ADARB1: variants seen among roughly 807,000 people sequenced by gnomAD.
ADARB1 encodes double-stranded RNA-specific editase 1.
Under a neutral mutation model 52.4 loss-of-function variants are expected in ADARB1, and 10 were observed. The observed-to-expected ratio is 0.19, with a 90% CI of 0.12 to 0.32. The LOEUF (loss-of-function observed/expected upper bound fraction) is 0.32. Ranked by LOEUF, ADARB1 falls within the 10% of genes least tolerant of loss-of-function variation. ADARB1 has a pLI of 1.00. For missense variants in ADARB1, 643 were observed against 922.3 expected (o/e 0.70, Z 3.92); for synonymous variants, 349 against 371.1 (o/e 0.94, Z 0.68).
chr21:45,176,311 G>A lies in ADARB1; in HGVS notation c.610G>A (p.Gly204Arg), dbSNP rs1335649750. 5 of 1,613,922 alleles carry A rather than the reference G, an allele frequency of 3.1e-6. No homozygotes were observed. Among genetic ancestry groups the A allele is most frequent in the African/African-American group, 1.3e-5 (1 of 74,910 alleles). Residue 204 changes from glycine (G) to arginine (R), a missense_variant, in exon 4 of 11, where the codon GGG becomes AGG. This residue lies in a region of ADARB1 where 380 missense variants were observed against 446.5 expected (regional missense o/e 0.85). Coordinates refer to ENST00000348831, the MANE Select transcript of ADARB1 (RefSeq NM_001112.4). This position sits in a 1 kb window ranked among gnomAD's most constrained non-coding sequence, Gnocchi z 5.8. Reference sequence around the variant, plus strand: ...TGGGGATGACTCCTTCAGTTCCAGCGGGGACCTCAGCTTGTCTGCTTCCCC... The same window carrying A: ...TGGGGATGACTCCTTCAGTTCCAGCAGGGACCTCAGCTTGTCTGCTTCCCC... ...SNGDDSFSSSGDLSLSASPVP... is the reference protein window; with the variant it reads ...SNGDDSFSSSRDLSLSASPVP...
At chr21:45,182,108 A>C (rs1422790198) in intron 5 of ADARB1, among the ~76,000 whole-genome samples, 2 of 152,244 alleles carry the variant, frequency 1.3e-5, no homozygotes, top group African/African-American at 4.8e-5. Context: ...ACAGTTTACT[A>C]ATGAAAACAT....
intron 3 of ADARB1, among the ~76,000 whole-genome samples, chr21:45,175,209 G>C (rs1187380168): frequency 6.6e-6 from 1 of 152,146 alleles, no homozygotes; most frequent in Non-Finnish European, 1.5e-5. Flanking sequence ...ATTATCTTGT[G>C]AATGCATGTT....
chr21:45,101,888 G>A (rs561222649), intron 1 of ADARB1, among the ~76,000 whole-genome samples: 47 of 152,212 alleles, frequency 3.1e-4, no homozygotes, highest in African/African-American at 1.1e-3. Context: ...AACATATTTT[G>A]TGCTTATTTA....
At position 45,154,869 on chromosome 21, in the gene ADARB1, A is replaced by C. The variant is rs545767386; in HGVS notation, c.-47-16741A>C. Among the ~76,000 whole-genome samples, 4 of 152,326 alleles carry C rather than the reference A, an allele frequency of 2.6e-5. No homozygotes were observed. In the South Asian group the frequency reaches 8.3e-4, roughly 32 times the overall value. On this transcript the variant is annotated intron_variant, in intron 2 of 10. Transcript: ENST00000348831. ...CAGGGCAGGATTCTGAGTAGCAGTT[A>C]GTGCCCATATATGGAGCGCTTCCTG...
At chr21:45,206,011 C>T (rs1459743084) in intron 9 of ADARB1, among the ~76,000 whole-genome samples, 1 of 152,198 alleles carries the variant, frequency 6.6e-6, no homozygotes, top group Non-Finnish European at 1.5e-5. Context: ...TTAAATTTTA[C>T]AGTTCCGTAA....
At position 45,133,620 on chromosome 21, in the gene ADARB1, C is replaced by T. The variant is rs114418918; in HGVS notation, c.-48+5047C>T. ...GTGTACCCCAGGGGCAGGATGCTAACACTGCACTGACTGAGAAAAGAATTT... is the reference window on the plus strand; with the variant it reads ...GTGTACCCCAGGGGCAGGATGCTAATACTGCACTGACTGAGAAAAGAATTT... On this transcript the variant is annotated intron_variant, in intron 2 of 10. Transcript: ENST00000348831. 2.9e-3 allele frequency: 714 copies of T among 248,774 alleles called. 4 individuals carry two copies. Among genetic ancestry groups the T allele is most frequent in the African/African-American group, 0.016 (679 of 42,926 alleles). The allele number at this position is 248,774 out of a possible 1,614,324, so 15.4% of individuals were successfully genotyped here. A position where few individuals can be genotyped will look rare whatever the true frequency, so the allele number is the denominator to read the frequency against.
intron 2 of ADARB1, among the ~76,000 whole-genome samples, chr21:45,161,469 C>G (rs1039614143): frequency 6.6e-6 from 1 of 152,238 alleles, no homozygotes; most frequent in Non-Finnish European, 1.5e-5. Context: ...TGTGTTTGCT[C>G]AGGGCAGTGC....
In ADARB1 at chr21:45,220,791, G is replaced by A. The variant is rs747980810; in HGVS notation, c.1748-45G>A. 7.5e-6 allele frequency: 12 copies of A among 1,597,520 alleles called. No individual in the cohort carries two copies. Among genetic ancestry groups the A allele is most frequent in the South Asian group, 1.1e-5 (1 of 89,740 alleles). On this transcript the variant is annotated intron_variant, in intron 9 of 10. Transcript: ENST00000348831. The surrounding 1 kb of genome is among the most constrained non-coding windows in gnomAD (Gnocchi z 6.3). ...CGCCCGTGGCTGCTCCCTCCCTGGGGGTGAAAGCGGGCTTCACACCACCTT... is the reference window on the plus strand; with the variant it reads ...CGCCCGTGGCTGCTCCCTCCCTGGGAGTGAAAGCGGGCTTCACACCACCTT...
chr21:45,222,967 C>CT lies in ADARB1; in HGVS notation c.*774dup. On this transcript the variant is annotated 3_prime_UTR_variant, in exon 11 of 11. Coordinates refer to ENST00000348831, the MANE Select transcript of ADARB1 (RefSeq NM_001112.4). ...CCTTGTAGGATCAGATCATGGAAAACTTTTCTCAGTTTACTTCTAAGTAAT... is the reference window on the plus strand; with the variant it reads ...CCTTGTAGGATCAGATCATGGAAAACTTTTTCTCAGTTTACTTCTAAGTAAT... The CT allele has an allele frequency of 2.0e-6, 2 of 985,492 alleles. No individual in the cohort carries two copies. The highest frequency in any genetic ancestry group is 2.4e-6 in the Non-Finnish European group (2 of 829,934). The allele number at this position is 985,492 out of a possible 1,614,324, so 61.0% of individuals were successfully genotyped here.
At position 45,186,883 on chromosome 21, in the gene ADARB1, CATATGT is replaced by C. The variant is rs552773102; in HGVS notation, c.1565+1793_1565+1798del. On this transcript the variant is annotated intron_variant, in intron 8 of 10. Transcript: ENST00000348831. ...TATTACTGTGCTGTCTGTTCTATTC[CATATGT>C]CTATTCTTTATGCCAGTGTCATGCT... 3.4e-3 allele frequency among the ~76,000 whole-genome samples: 524 copies of C among 152,276 alleles called. 6 individuals are homozygous for C. Among genetic ancestry groups the C allele is most frequent in the African/African-American group, 0.012 (510 of 41,548 alleles).
intron 9 of ADARB1, among the ~76,000 whole-genome samples, chr21:45,211,725 A>C (rs2092771839): frequency 6.6e-6 from 1 of 152,240 alleles, no homozygotes; most frequent in Non-Finnish European, 1.5e-5. Context: ...AATTTACAAC[A>C]ACAGAGGGAT....
chr21:45,210,659 C>A (rs930456703), intron 9 of ADARB1, among the ~76,000 whole-genome samples: 1 of 152,192 alleles, frequency 6.6e-6, no homozygotes, highest in African/African-American at 2.4e-5. Flanking sequence ...CAGCCGCAGC[C>A]GGCAGACACC....
chr21:45,176,672 A>G lies in ADARB1; in HGVS notation c.963+8A>G, dbSNP rs1339186230. ...CAGCTGCATTTACCGCAGGTGAGGA[A>G]CTATGCTGCTGCTTTAAAACACGGG... is the stretch of plus-strand genomic sequence containing the variant. On this transcript the variant is annotated splice_region_variant and intron_variant, in intron 4 of 10. Coordinates refer to ENST00000348831, the MANE Select transcript of ADARB1 (RefSeq NM_001112.4). This position sits in a 1 kb window ranked among gnomAD's most constrained non-coding sequence, Gnocchi z 5.8. 5 of 1,593,608 alleles carry G rather than the reference A, an allele frequency of 3.1e-6. No individual in the cohort carries two copies. The highest frequency in any genetic ancestry group is 3.4e-6 in the Non-Finnish European group (4 of 1,169,978).
chr21:45,185,586 G>C (rs1256886839), intron 8 of ADARB1, among the ~76,000 whole-genome samples: 1 of 152,204 alleles, frequency 6.6e-6, no homozygotes, highest in African/African-American at 2.4e-5. Flanking sequence ...GTGTGGGTTA[G>C]GCTTAGAGGA....
At chr21:45,090,638 C>G (rs910500254) in intron 1 of ADARB1, among the ~76,000 whole-genome samples, 1 of 152,178 alleles carries the variant, frequency 6.6e-6, no homozygotes, top group African/African-American at 2.4e-5. Flanking sequence ...ACTCTCATAT[C>G]TGTGTGCACT....
intron 2 of ADARB1, among the ~76,000 whole-genome samples, chr21:45,159,696 C>T (rs952289710): frequency 3.3e-5 from 5 of 152,156 alleles, no homozygotes; most frequent in African/African-American, 7.2e-5. Flanking sequence ...TCTTAACCAC[C>T]ATAGTCCTCT....
intron 1 of ADARB1, among the ~76,000 whole-genome samples, chr21:45,075,038 T>G (rs1314556792): frequency 6.8e-6 from 1 of 147,756 alleles, no homozygotes; most frequent in African/African-American, 2.5e-5. Flanking sequence ...CGGCCCCGCG[T>G]CCCCTCCCGA....
intron 2 of ADARB1, among the ~76,000 whole-genome samples, chr21:45,150,977 G>A (rs1223896928): frequency 6.6e-6 from 1 of 152,198 alleles, no homozygotes; most frequent in Admixed American, 6.5e-5. Flanking sequence ...TGAGTCAGGA[G>A]GGCAGTCCTC....
intron 8 of ADARB1, among the ~76,000 whole-genome samples, chr21:45,197,670 G>A (rs1042457207): frequency 1.2e-4 from 19 of 152,076 alleles, no homozygotes; most frequent in African/African-American, 4.3e-4. Flanking sequence ...AGCAATCCAC[G>A]CAGCCATCAA....
Sources: gnomAD v4.1 joint callset for allele counts (sites outside exome capture counted in the v4.1 genomes callset) on GRCh38, gnomAD v4.1.1 for gene constraint, gnomAD v4.1.1 regional missense constraint, Gnocchi (gnomAD v3.1) non-coding constraint, MANE v1.5 for transcripts, NCBI Gene and HGNC (gene_info 2026-07-23, HGNC 2026-07-21) for gene names.